The following PPARGC1A variants were observed in gnomAD, a reference collection of about 807,000 sequenced individuals.
PPARGC1A encodes the protein peroxisome proliferator-activated receptor gamma coactivator 1-alpha.
A neutral mutation model predicts 88.7 loss-of-function variants in PPARGC1A; 25 were observed. The ratio of observed to expected loss-of-function variants is 0.28; its 90% confidence interval spans 0.21 to 0.39. The LOEUF is 0.39. Among genes scored for constraint, PPARGC1A ranks in the 10% least tolerant of loss-of-function variants. The pLI, the probability that PPARGC1A is intolerant of heterozygous loss-of-function variation, is 1.00. For synonymous variants in PPARGC1A, 363 were observed against 355.6 expected, an observed-to-expected ratio of 1.02 and a Z score of -0.24; for missense variants, 880 against 968.7, an observed-to-expected ratio of 0.91 and a Z score of 1.22.
chr4:24,171,301 G>A, the PPARGC1A span, among the ~76,000 whole-genome samples: 1 of 152,006 alleles, frequency 6.6e-6, no homozygotes, highest in Non-Finnish European at 1.5e-5. Context: ...AGCTACTTGG[G>A]AGGTTGAGGC....
chr4:24,329,806 A>G, the PPARGC1A span, among the ~76,000 whole-genome samples: 5 of 152,218 alleles, frequency 3.3e-5, no homozygotes, highest in Admixed American at 2.6e-4. Context: ...AAATGAATGA[A>G]GTAGGTGCAC....
the PPARGC1A span, among the ~76,000 whole-genome samples, chr4:24,131,397 A>G: frequency 6.6e-6 from 1 of 152,202 alleles, no homozygotes; most frequent in Non-Finnish European, 1.5e-5. Flanking sequence ...AAGGGCCAGC[A>G]TCATTTTGAG....
At chr4:24,313,430 G>A in the PPARGC1A span, among the ~76,000 whole-genome samples, 1 of 152,178 alleles carries the variant, frequency 6.6e-6, no homozygotes, top group Non-Finnish European at 1.5e-5. Context: ...AGCACAAAAT[G>A]CCTGTAATCT....
At chr4:24,118,993 T>G in the PPARGC1A span, among the ~76,000 whole-genome samples, 1 of 152,204 alleles carries the variant, frequency 6.6e-6, no homozygotes, top group African/African-American at 2.4e-5. Context: ...GTGTTTCTAG[T>G]GCATCAGCCA....
chr4:24,037,825 G>A, the PPARGC1A span, among the ~76,000 whole-genome samples: 2 of 152,122 alleles, frequency 1.3e-5, no homozygotes, highest in Admixed American at 6.6e-5. Context: ...TTACCTGGCT[G>A]TCATCCCCAC....
chr4:23,992,170 C>T, the PPARGC1A span, among the ~76,000 whole-genome samples: 1 of 151,864 alleles, frequency 6.6e-6, no homozygotes, highest in African/African-American at 2.4e-5. Context: ...CCATGGAAAA[C>T]AGAACTCTCA....
the PPARGC1A span, among the ~76,000 whole-genome samples, chr4:24,334,939 C>T: frequency 8.6e-3 from 1,310 of 152,176 alleles, 14 homozygotes; most frequent in African/African-American, 0.018. Flanking sequence ...ATGAACACAT[C>T]GAGGCAAGAC....
the PPARGC1A span, among the ~76,000 whole-genome samples, chr4:24,295,778 CTGTG>C: frequency 2.0e-5 from 3 of 150,714 alleles, no homozygotes; most frequent in South Asian, 2.1e-4. Context: ...ACACACTGCA[CTGTG>C]TGTACCTATG....
the PPARGC1A span, among the ~76,000 whole-genome samples, chr4:24,187,418 C>T: frequency 3.3e-5 from 5 of 152,146 alleles, no homozygotes; most frequent in African/African-American, 1.2e-4. Context: ...CACTCTTAAC[C>T]ACCATGTTAA....
chr4:23,836,260 C>T (rs369526010), intron 2 of PPARGC1A, among the ~76,000 whole-genome samples: 3 of 152,054 alleles, frequency 2.0e-5, no homozygotes, highest in Non-Finnish European at 4.4e-5. Flanking sequence ...GCAGCAGAGG[C>T]GGAAGGAAAG....
the PPARGC1A span, among the ~76,000 whole-genome samples, chr4:24,252,999 C>A: frequency 6.6e-6 from 1 of 152,100 alleles, no homozygotes; most frequent in South Asian, 2.1e-4. Flanking sequence ...AAACGATGAT[C>A]TCATTGTATT....
the PPARGC1A span, among the ~76,000 whole-genome samples, chr4:24,454,759 T>TGACATA: frequency 6.6e-6 from 1 of 152,070 alleles, no homozygotes; most frequent in Non-Finnish European, 1.5e-5. Flanking sequence ...AATCTGTATT[T>TGACATA]GACATATTGT....
At chr4:23,887,238 T>C (rs929006011) in intron 1 of PPARGC1A, among the ~76,000 whole-genome samples, 1 of 152,230 alleles carries the variant, frequency 6.6e-6, no homozygotes, top group Non-Finnish European at 1.5e-5. Flanking sequence ...TTTTATGTTA[T>C]GGTTGAGAAA....
chr4:24,300,465 G>T, the PPARGC1A span, among the ~76,000 whole-genome samples: 1 of 147,986 alleles, frequency 6.8e-6, no homozygotes, highest in East Asian at 2.0e-4. Context: ...ACACGGCTGT[G>T]TAAAAATAAG....
At chr4:24,470,931 A>C in the PPARGC1A span, among the ~76,000 whole-genome samples, 1 of 151,514 alleles carries the variant, frequency 6.6e-6, no homozygotes, top group Non-Finnish European at 1.5e-5. This position sits in a 1 kb window ranked among gnomAD's most constrained non-coding sequence, Gnocchi z 5.8. Flanking sequence ...GGTGATGCGG[A>C]GGCGGCGGCG....
At chr4:24,114,059 G>C in the PPARGC1A span, among the ~76,000 whole-genome samples, 1 of 144,496 alleles carries the variant, frequency 6.9e-6, no homozygotes, top group African/African-American at 2.6e-5. Flanking sequence ...AGGAGGTGGA[G>C]ACCGCAGTGA....
chr4:23,968,247 G>A, the PPARGC1A span, among the ~76,000 whole-genome samples: 3 of 152,166 alleles, frequency 2.0e-5, no homozygotes, highest in African/African-American at 4.8e-5. Context: ...AGAATTAGAG[G>A]AGAACATATT....
the PPARGC1A span, among the ~76,000 whole-genome samples, chr4:24,048,214 T>C: frequency 6.6e-6 from 1 of 152,170 alleles, no homozygotes; most frequent in Non-Finnish European, 1.5e-5. Flanking sequence ...TGCTGTGCAG[T>C]CTTTCCTTTT....
chr4:23,968,090 C>G, the PPARGC1A span, among the ~76,000 whole-genome samples: 1 of 152,164 alleles, frequency 6.6e-6, no homozygotes, highest in Non-Finnish European at 1.5e-5. Flanking sequence ...CATGGAAAGG[C>G]TGTGGAGGCC....
Sources: allele counts gnomAD v4.1 joint callset (sites outside exome capture counted in the v4.1 genomes callset), GRCh38; gene constraint gnomAD v4.1.1; non-coding constraint Gnocchi (gnomAD v3.1); transcripts MANE v1.5; gene names NCBI Gene and HGNC (gene_info 2026-07-23, HGNC 2026-07-21).